Variants in CTNNA2 observed in about 807,000 individuals in gnomAD.
CTNNA2 encodes the protein catenin alpha 2, also known as catenin alpha-2.
Under a neutral mutation model 101.0 loss-of-function variants are expected in CTNNA2, and 42 were observed. That is an observed-to-expected ratio of 0.42 (90% CI 0.32 to 0.54). The LOEUF (loss-of-function observed/expected upper bound fraction) is 0.54, where lower values mean the gene tolerates loss of function less well. CTNNA2 is among the 20% of genes least tolerant of loss of function. CTNNA2 has a pLI of 0.14. For missense variants in CTNNA2, 871 were observed against 1,223.1 expected, an observed-to-expected ratio of 0.71 and a Z score of 4.29; for synonymous variants, 450 against 456.4, an observed-to-expected ratio of 0.99 and a Z score of 0.18.
chr2:79,695,279 T>C (rs1684586114), intron 2 of CTNNA2, among the ~76,000 whole-genome samples: 1 of 151,954 alleles, frequency 6.6e-6, no homozygotes, highest in Non-Finnish European at 1.5e-5. Context: ...AGAACCAAAT[T>C]TAAATCATTA....
chr2:80,469,575 A>C (rs1282571313), intron 9 of CTNNA2, among the ~76,000 whole-genome samples: 2 of 152,226 alleles, frequency 1.3e-5, no homozygotes, highest in Non-Finnish European at 2.9e-5. Flanking sequence ...CTTGCTGAAC[A>C]CTGAAAGACT....
intron 3 of CTNNA2, among the ~76,000 whole-genome samples, chr2:79,783,539 G>A (rs1674613231): frequency 1.3e-5 from 2 of 152,104 alleles, no homozygotes; most frequent in African/African-American, 4.8e-5. Context: ...GATTCCTTTT[G>A]TTAAACTCTG....
chr2:79,277,437 G>A (rs1223552130), intron 2 of CTNNA2, among the ~76,000 whole-genome samples: 2 of 151,940 alleles, frequency 1.3e-5, no homozygotes, highest in Non-Finnish European at 2.9e-5. Context: ...GATAATTATG[G>A]CAGGAGGTCA....
chr2:79,346,205 G>A (rs1051798318), intron 3 of CTNNA2, among the ~76,000 whole-genome samples: 2 of 152,126 alleles, frequency 1.3e-5, no homozygotes, highest in Non-Finnish European at 2.9e-5. Flanking sequence ...TCTCTGGCCT[G>A]CTCCGCTAAG....
At chr2:80,430,810 A>T (rs1384364988) in intron 9 of CTNNA2, among the ~76,000 whole-genome samples, 1 of 152,154 alleles carries the variant, frequency 6.6e-6, no homozygotes, top group Admixed American at 6.6e-5. Flanking sequence ...GTGTTTCATC[A>T]TCTAAGTAGG....
intron 9 of CTNNA2, among the ~76,000 whole-genome samples, chr2:80,442,576 C>T (rs1682689243): frequency 1.3e-5 from 2 of 152,106 alleles, no homozygotes; most frequent in African/African-American, 2.4e-5. Context: ...CTTCCCAATG[C>T]CATGGCTTGA....
chr2:80,596,291 T>G (rs1305596810), intron 15 of CTNNA2, among the ~76,000 whole-genome samples: 7 of 39,828 alleles, frequency 1.8e-4, no homozygotes, highest in South Asian at 1.2e-3. Flanking sequence ...TTTTTTTTTT[T>G]TTTTTTTTTT....
chr2:80,340,187 C>A (rs1050072996), intron 7 of CTNNA2, among the ~76,000 whole-genome samples: 1 of 152,312 alleles, frequency 6.6e-6, no homozygotes, highest in East Asian at 1.9e-4. Flanking sequence ...TGGATAATAA[C>A]TATAATCTAT....
intron 3 of CTNNA2, among the ~76,000 whole-genome samples, chr2:79,847,682 G>T (rs889912748): frequency 2.0e-5 from 3 of 151,766 alleles, no homozygotes; most frequent in Non-Finnish European, 4.4e-5. Context: ...GCCCTCCAAG[G>T]TATTGTTAAA....
chr2:79,780,938 G>A (rs190937520), intron 3 of CTNNA2, among the ~76,000 whole-genome samples: 1 of 152,150 alleles, frequency 6.6e-6, no homozygotes, highest in Admixed American at 6.5e-5. Context: ...AAGTAATAAA[G>A]ATGTCCTAGT....
intron 7 of CTNNA2, among the ~76,000 whole-genome samples, chr2:80,108,997 C>A (rs1276751478): frequency 2.0e-5 from 3 of 152,126 alleles, no homozygotes; most frequent in Non-Finnish European, 4.4e-5. Context: ...ATCTGACATA[C>A]CTCATCACAT....
chr2:79,484,282 ATTAG>A (rs1318183230), intron 4 of CTNNA2, among the ~76,000 whole-genome samples: 2 of 152,078 alleles, frequency 1.3e-5, no homozygotes, highest in Non-Finnish European at 2.9e-5. Flanking sequence ...TAATTAATTA[ATTAG>A]TTAAATGTGT....
At chr2:79,312,522 A>C (rs1262744980) in intron 2 of CTNNA2, among the ~76,000 whole-genome samples, 1 of 152,138 alleles carries the variant, frequency 6.6e-6, no homozygotes, top group Non-Finnish European at 1.5e-5. Context: ...TAGGTATTAG[A>C]TTGTGTTTAA....
intron 4 of CTNNA2, among the ~76,000 whole-genome samples, chr2:79,494,115 A>G (rs926062109): frequency 6.6e-5 from 10 of 152,172 alleles, no homozygotes; most frequent in Non-Finnish European, 1.3e-4. Context: ...TAATTTAACA[A>G]GACAAGTGCA....
rs536102094 is a variant in CTNNA2, at chr2:80,515,509, CA to C, written c.1291-29470del. ...GGTCTTAGATAACTTTTTGAGACCT[CA>C]AAGATATTATTGCCTCTTTATTTTG... On this transcript the variant is annotated intron_variant, in intron 9 of 18. Transcript: ENST00000402739. 3.3e-3 allele frequency among the ~76,000 whole-genome samples: 502 copies of C among 152,248 alleles called. 4 individuals carry two copies. Among genetic ancestry groups the C allele is most frequent in the African/African-American group, 0.011 (473 of 41,528 alleles).
intron 1 of CTNNA2, among the ~76,000 whole-genome samples, chr2:79,595,419 C>T: frequency 6.6e-6 from 1 of 152,140 alleles, no homozygotes; most frequent in East Asian, 1.9e-4. Context: ...CCAAATATTT[C>T]CTAGATGTGA....
At chr2:80,437,833 T>C (rs1682176542) in intron 9 of CTNNA2, among the ~76,000 whole-genome samples, 1 of 152,154 alleles carries the variant, frequency 6.6e-6, no homozygotes, top group South Asian at 2.1e-4. Context: ...ATCCCTTCTC[T>C]ACGAAAAATA....
chr2:79,713,601 G>T (rs1259495503), intron 2 of CTNNA2, among the ~76,000 whole-genome samples: 1 of 152,142 alleles, frequency 6.6e-6, no homozygotes, highest in African/African-American at 2.4e-5. Flanking sequence ...TCTACCAGGG[G>T]TTCCCACAGC....
chr2:80,327,680 C>A (rs1670933986), intron 7 of CTNNA2, among the ~76,000 whole-genome samples: 1 of 152,186 alleles, frequency 6.6e-6, no homozygotes, highest in African/African-American at 2.4e-5. Context: ...CACTGACAAC[C>A]ACTAATGAAG....
Sources: allele counts gnomAD v4.1 joint callset (sites outside exome capture counted in the v4.1 genomes callset), GRCh38; gene constraint gnomAD v4.1.1; transcripts MANE v1.5; gene names NCBI Gene and HGNC (gene_info 2026-07-23, HGNC 2026-07-21).